Variants in ABHD2 observed in about 807,000 individuals in gnomAD.
The protein encoded by ABHD2 is abhydrolase domain containing 2, acylglycerol lipase, also known as monoacylglycerol lipase ABHD2.
A neutral mutation model predicts 48.1 loss-of-function variants in ABHD2; 20 were observed. That is an observed-to-expected ratio of 0.42 (90% CI 0.29 to 0.60). The LOEUF is 0.60. ABHD2 is among the 20% of genes least tolerant of loss of function. ABHD2 has a pLI of 0.24. For missense variants in ABHD2, 405 were observed against 550.9 expected (o/e 0.74, Z 2.65); for synonymous variants, 209 against 214.2 (o/e 0.98, Z 0.21).
At chr15:89,191,220 C>A in intron 9 of ABHD2, 71 bp downstream of exon 9, 1 of 1,492,382 alleles carries the variant, frequency 6.7e-7, no homozygotes, top group Non-Finnish European at 9.2e-7. Flanking sequence ...ACAGATACCT[C>A]TCCTGAATTT....
chr15:89,078,893 G>T, the ABHD2 span, among the ~76,000 whole-genome samples: 1 of 152,114 alleles, frequency 6.6e-6, no homozygotes, highest in South Asian at 2.1e-4. Flanking sequence ...ACCAAGCCTG[G>T]CTAATTTTTT....
At chr15:89,099,951 C>T (rs2049675938) in intron 1 of ABHD2, among the ~76,000 whole-genome samples, 1 of 152,090 alleles carries the variant, frequency 6.6e-6, no homozygotes, top group Non-Finnish European at 1.5e-5. Context: ...TTAAAGATAA[C>T]AGTATCAGAG....
Position 89,186,679 on chromosome 15 carries a change from G to C in ABHD2, c.815+1163G>C, listed in dbSNP as rs1246238150. Among the ~76,000 whole-genome samples, 1 of 152,140 alleles carries C rather than the reference G, an allele frequency of 6.6e-6. No individual in the cohort carries two copies. The highest frequency in any genetic ancestry group is 1.5e-5 in the Non-Finnish European group (1 of 68,024). On this transcript the variant is annotated intron_variant, in intron 7 of 10. Coordinates refer to ENST00000352732, the MANE Select transcript of ABHD2 (RefSeq NM_152924.5). The surrounding 1 kb of genome is among the most constrained non-coding windows in gnomAD (Gnocchi z 4.3). ...AACTGGAGAGCGTTGGAGGGCTTAG[G>C]CATGTGTTGATTGCTCCCAGCACCC...
At position 89,114,292 on chromosome 15, in the gene ABHD2, C is replaced by T. The variant is rs1038948546; in HGVS notation, c.-7+468C>T. On this transcript the variant is annotated intron_variant, in intron 2 of 10. Transcript: ENST00000352732. The surrounding 1 kb of genome is among the most constrained non-coding windows in gnomAD (Gnocchi z 4.2). ...TCTGATTAAAGCTGCGAACCCTCTG[C>T]CCAGAAAACTGCTCATGTGCACAAA... Among the ~76,000 whole-genome samples, 1 of 152,086 alleles carries T rather than the reference C, an allele frequency of 6.6e-6. No homozygotes were observed. Among genetic ancestry groups the T allele is most frequent in the African/African-American group, 2.4e-5 (1 of 41,384 alleles).
Position 89,185,381 on chromosome 15 carries a change from AC to A in ABHD2, c.723-38del. On this transcript the variant is annotated intron_variant, in intron 6 of 10. Coordinates refer to ENST00000352732, the MANE Select transcript of ABHD2 (RefSeq NM_152924.5). This position sits in a 1 kb window ranked among gnomAD's most constrained non-coding sequence, Gnocchi z 5.9. ...AGCCCCCTCCTGGCTGCCCGCCTGC[AC>A]CCCCACACCGCAGTCACCCTCACTC... 1.9e-6 allele frequency: 3 copies of A among 1,562,760 alleles called. No individual in the cohort carries two copies. The highest frequency in any genetic ancestry group is 2.6e-6 in the Non-Finnish European group (3 of 1,135,434).
chr15:89,051,235 A>G, the ABHD2 span, among the ~76,000 whole-genome samples: 2 of 152,198 alleles, frequency 1.3e-5, no homozygotes, highest in Admixed American at 6.5e-5. Context: ...CTCTGTCTCA[A>G]TAATAATAAT....
chr15:89,151,019 G>A lies in ABHD2; in HGVS notation c.195-658G>A, dbSNP rs1425288064. Among the ~76,000 whole-genome samples the A allele has an allele frequency of 3.3e-5, 5 of 152,222 alleles. No individual in the cohort carries two copies. The highest frequency in any genetic ancestry group is 5.9e-5 in the Non-Finnish European group (4 of 68,038). ...TCACTCTGTGTTTTTACAATGCACC[G>A]TTGTTAGCGAGGCTTCATGCCTTGC... On this transcript the variant is annotated intron_variant, in intron 3 of 10. Coordinates refer to ENST00000352732, the MANE Select transcript of ABHD2 (RefSeq NM_152924.5). This position sits in a 1 kb window ranked among gnomAD's most constrained non-coding sequence, Gnocchi z 4.7.
At position 89,137,139 on chromosome 15, in the gene ABHD2, C is replaced by T. The variant is rs1424187273; in HGVS notation, c.195-14538C>T. Among the ~76,000 whole-genome samples the T allele has an allele frequency of 6.6e-6, 1 of 152,126 alleles. No homozygotes were observed. On this transcript the variant is annotated intron_variant, in intron 3 of 10. Transcript: ENST00000352732. The surrounding 1 kb of genome is among the most constrained non-coding windows in gnomAD (Gnocchi z 4.8). ...ACGGATCCAGGGTTCCAGTGGAACC[C>T]TGGAGACTGGAACTCTGGAGCTTCT...
At chr15:89,172,688 A>G (rs2050949372) in intron 5 of ABHD2, among the ~76,000 whole-genome samples, 1 of 152,232 alleles carries the variant, frequency 6.6e-6, no homozygotes, top group Admixed American at 6.5e-5. Flanking sequence ...CTGTTTATGT[A>G]TATCACTTTA....
At chr15:89,160,940 G>A (rs2050753248) in intron 5 of ABHD2, among the ~76,000 whole-genome samples, 1 of 152,086 alleles carries the variant, frequency 6.6e-6, no homozygotes, top group Non-Finnish European at 1.5e-5. Flanking sequence ...TTTCTGAAGG[G>A]GAACTTTAAT....
intron 6 of ABHD2, among the ~76,000 whole-genome samples, chr15:89,178,367 G>C (rs1334684336): frequency 6.6e-6 from 1 of 152,152 alleles, no homozygotes; most frequent in Non-Finnish European, 1.5e-5. Flanking sequence ...AGGGCGATGA[G>C]CCTTTCAGCA....
chr15:89,055,327 T>C, the ABHD2 span, among the ~76,000 whole-genome samples: 6 of 148,968 alleles, frequency 4.0e-5, no homozygotes, highest in Non-Finnish European at 6.0e-5. Flanking sequence ...TAGTTTCTTT[T>C]TTTTTTTTTT....
At position 89,179,349 on chromosome 15, in the gene ABHD2, C is replaced by T. The variant is rs2051069817; in HGVS notation, c.722+3354C>T. ...TTCATCTGTATTTAGTCTCATTCCC[C>T]ATTGATCACATTACTGCCTGAGTTC... On this transcript the variant is annotated intron_variant, in intron 6 of 10. Transcript: ENST00000352732. This position sits in a 1 kb window ranked among gnomAD's most constrained non-coding sequence, Gnocchi z 4.3. Among the ~76,000 whole-genome samples, 1 of 152,192 alleles carries T rather than the reference C, an allele frequency of 6.6e-6. No homozygotes were observed. Among genetic ancestry groups the T allele is most frequent in the African/African-American group, 2.4e-5 (1 of 41,450 alleles).
intron 1 of ABHD2, among the ~76,000 whole-genome samples, chr15:89,095,106 G>A (rs977156395): frequency 6.7e-6 from 1 of 148,422 alleles, no homozygotes; most frequent in African/African-American, 2.5e-5. Flanking sequence ...CACCAAAAAT[G>A]TTGGAAGATC....
chr15:89,192,754 TC>T (rs1190047946), intron 9 of ABHD2, among the ~76,000 whole-genome samples: 1 of 152,142 alleles, frequency 6.6e-6, no homozygotes, highest in Admixed American at 6.5e-5. Context: ...TCACTATGTT[TC>T]CCAGGCTGGT....
At chr15:89,105,053 A>C (rs2049762060) in intron 1 of ABHD2, among the ~76,000 whole-genome samples, 1 of 152,214 alleles carries the variant, frequency 6.6e-6, no homozygotes, top group Admixed American at 6.5e-5. Context: ...ACCTGGCGTA[A>C]GATTTTTTTG....
Position 89,186,272 on chromosome 15 carries a change from C to T in ABHD2, c.815+756C>T, listed in dbSNP as rs1016500761. 5.3e-5 allele frequency among the ~76,000 whole-genome samples: 8 copies of T among 152,208 alleles called. No homozygotes were observed. Among genetic ancestry groups the T allele is most frequent in the African/African-American group, 1.9e-4 (8 of 41,456 alleles). Reference sequence around the variant, plus strand: ...TTTGAGCCTCTCCTTATTCTTCATGCTTGTCCTGCCTCTCCGCCTCGTAAT... The same window carrying T: ...TTTGAGCCTCTCCTTATTCTTCATGTTTGTCCTGCCTCTCCGCCTCGTAAT... On this transcript the variant is annotated intron_variant, in intron 7 of 10. Coordinates refer to ENST00000352732, the MANE Select transcript of ABHD2 (RefSeq NM_152924.5). This position sits in a 1 kb window ranked among gnomAD's most constrained non-coding sequence, Gnocchi z 4.3.
At chr15:89,049,112 G>A in the ABHD2 span, among the ~76,000 whole-genome samples, 2 of 151,972 alleles carry the variant, frequency 1.3e-5, no homozygotes, top group African/African-American at 4.8e-5. Flanking sequence ...CAGACAGGAC[G>A]CTCAGCTGCA....
rs535730242 is a variant in ABHD2, at chr15:89,171,449, C to T, written c.539-4363C>T. Among the ~76,000 whole-genome samples the T allele has an allele frequency of 2.4e-4, 36 of 152,318 alleles. 1 individual carries two copies. The highest frequency in any genetic ancestry group is 8.4e-4 in the African/African-American group (35 of 41,570). ...CATTCTTGCAGTAATATATAACCTC[C>T]GTGCAGCTTTTCCAATTCACTCTTT... On this transcript the variant is annotated intron_variant, in intron 5 of 10. Coordinates refer to ENST00000352732, the MANE Select transcript of ABHD2 (RefSeq NM_152924.5).
Sources: gnomAD v4.1 joint callset for allele counts (sites outside exome capture counted in the v4.1 genomes callset) on GRCh38, gnomAD v4.1.1 for gene constraint, Gnocchi (gnomAD v3.1) non-coding constraint, MANE v1.5 for transcripts, NCBI Gene and HGNC (gene_info 2026-07-23, HGNC 2026-07-21) for gene names.